The following LRRC4C variants were observed in gnomAD, a reference collection of about 807,000 sequenced individuals.
LRRC4C encodes the protein leucine rich repeat containing 4C.
In LRRC4C, 5 loss-of-function variants were observed where a neutral mutation model predicts 33.6. The observed-to-expected ratio is 0.15, with a 90% CI of 0.08 to 0.31. The LOEUF is 0.31. Ranked by LOEUF, LRRC4C falls within the 10% of genes least tolerant of loss-of-function variation. LRRC4C has a pLI of 1.00. For synonymous variants in LRRC4C, 329 were observed against 302.0 expected (o/e 1.09, Z -0.93); for missense variants, 560 against 796.7 (o/e 0.70, Z 3.58).
At chr11:40,422,383 G>C (rs1950552323) in intron 3 of LRRC4C, among the ~76,000 whole-genome samples, 1 of 151,952 alleles carries the variant, frequency 6.6e-6, no homozygotes, top group South Asian at 2.1e-4. Flanking sequence ...CTTAAAAAGT[G>C]GAGTTTTTTT....
chr11:41,276,552 G>A (rs1591132984), intron 1 of LRRC4C, among the ~76,000 whole-genome samples: 1 of 152,248 alleles, frequency 6.6e-6, no homozygotes, highest in South Asian at 2.1e-4. Flanking sequence ...CTATCTGTAT[G>A]ATAGCTTTTG....
intron 1 of LRRC4C, among the ~76,000 whole-genome samples, chr11:41,037,153 T>A (rs1325541399): frequency 7.8e-6 from 1 of 127,820 alleles, no homozygotes; most frequent in Non-Finnish European, 1.8e-5. Context: ...CCCCTTTCTG[T>A]ACAAGAGAAA....
chr11:40,621,129 T>A (rs540489328), intron 3 of LRRC4C, among the ~76,000 whole-genome samples: 1 of 151,904 alleles, frequency 6.6e-6, no homozygotes, highest in African/African-American at 2.4e-5. Flanking sequence ...CAAAACATCC[T>A]CTTAGACAGT....
intron 4 of LRRC4C, among the ~76,000 whole-genome samples, chr11:40,270,810 C>A (rs16934665): frequency 0.075 from 11,400 of 152,144 alleles, 540 homozygotes; most frequent in African/African-American, 0.12. Flanking sequence ...TCTATAGCTG[C>A]AACTAATTCG....
At chr11:41,446,044 G>T (rs1955815588) in intron 1 of LRRC4C, among the ~76,000 whole-genome samples, 1 of 152,130 alleles carries the variant, frequency 6.6e-6, no homozygotes, top group Non-Finnish European at 1.5e-5. Flanking sequence ...ATAAAAAAAT[G>T]ACTCAATAAT....
chr11:40,356,951 A>G (rs1947697527), intron 3 of LRRC4C, among the ~76,000 whole-genome samples: 1 of 152,170 alleles, frequency 6.6e-6, no homozygotes, highest in African/African-American at 2.4e-5. Flanking sequence ...ACTGAAGCTC[A>G]ACCATATTAA....
chr11:40,255,625 G>GTGAA (rs774547557), intron 4 of LRRC4C, among the ~76,000 whole-genome samples: 91 of 152,278 alleles, frequency 6.0e-4, no homozygotes, highest in Non-Finnish European at 1.1e-3. Flanking sequence ...CAGCGGCTGT[G>GTGAA]TGAATGACCT....
At chr11:41,281,068 C>CTCTCTCTCTCTCTCTCTA (rs1949651180) in intron 1 of LRRC4C, among the ~76,000 whole-genome samples, 1 of 136,894 alleles carries the variant, frequency 7.3e-6, no homozygotes, top group Non-Finnish European at 1.6e-5. Context: ...CTCTCTCTCT[C>CTCTCTCTCTCTCTCTCTA]TCTCTCTGTC....
At chr11:41,039,883 T>A (rs544383816) in intron 1 of LRRC4C, among the ~76,000 whole-genome samples, 1 of 152,084 alleles carries the variant, frequency 6.6e-6, no homozygotes. Context: ...GGCTCACGCC[T>A]GTAATCTCAG....
At chr11:41,125,471 T>A (rs1942690548) in intron 1 of LRRC4C, among the ~76,000 whole-genome samples, 1 of 152,180 alleles carries the variant, frequency 6.6e-6, no homozygotes, top group Non-Finnish European at 1.5e-5. Context: ...CATTAACAAA[T>A]AAACTAAATT....
At chr11:40,898,192 T>C (rs1442918480) in intron 2 of LRRC4C, among the ~76,000 whole-genome samples, 1 of 151,234 alleles carries the variant, frequency 6.6e-6, no homozygotes, top group East Asian at 1.9e-4. Flanking sequence ...CCATCTCTAC[T>C]AAAAATACAA....
intron 1 of LRRC4C, among the ~76,000 whole-genome samples, chr11:41,103,283 G>A (rs1311585806): frequency 6.6e-6 from 1 of 151,854 alleles, no homozygotes; most frequent in Non-Finnish European, 1.5e-5. Context: ...TGAAAATGTG[G>A]AAATTGTTGT....
At chr11:40,308,546 T>G in intron 4 of LRRC4C, among the ~76,000 whole-genome samples, 1 of 152,156 alleles carries the variant, frequency 6.6e-6, no homozygotes, top group East Asian at 1.9e-4. Flanking sequence ...GGGTCCAATG[T>G]AATTATAAGG....
chr11:40,210,795 T>C (rs1416020264), intron 5 of LRRC4C, among the ~76,000 whole-genome samples: 1 of 152,166 alleles, frequency 6.6e-6, no homozygotes, highest in Non-Finnish European at 1.5e-5. Context: ...TCTTTTGAGA[T>C]AGAGTCTCAC....
intron 1 of LRRC4C, among the ~76,000 whole-genome samples, chr11:41,015,566 G>C (rs1475653841): frequency 6.6e-6 from 1 of 152,094 alleles, no homozygotes; most frequent in Admixed American, 6.6e-5. Context: ...CACCTGCCTA[G>C]GCCTCCCAAA....
intron 1 of LRRC4C, among the ~76,000 whole-genome samples, chr11:41,189,424 T>C (rs924473678): frequency 1.3e-5 from 2 of 151,860 alleles, no homozygotes; most frequent in Admixed American, 6.6e-5. Flanking sequence ...GACTGGAAAA[T>C]AGAGGAACTG....
chr11:40,830,654 T>C (rs966363614), intron 2 of LRRC4C, among the ~76,000 whole-genome samples: 5 of 151,640 alleles, frequency 3.3e-5, no homozygotes, highest in African/African-American at 1.2e-4. Context: ...CTGGAGAGGG[T>C]TGTGAGTTGT....
At chr11:40,372,662 T>C (rs1269241861) in intron 3 of LRRC4C, among the ~76,000 whole-genome samples, 2 of 152,156 alleles carry the variant, frequency 1.3e-5, no homozygotes, top group African/African-American at 4.8e-5. Context: ...ACGTTCTACA[T>C]GATGCTATGC....
In LRRC4C at chr11:41,013,825, G is replaced by A. The variant is rs558766988; in HGVS notation, c.-495-80102C>T. 2.0e-5 allele frequency among the ~76,000 whole-genome samples: 3 copies of A among 152,290 alleles called. No homozygotes were observed. In the South Asian group the frequency reaches 6.2e-4, roughly 32 times the overall value. ...AAACTCTACAGTAAGTATGACTGGG[G>A]AAGCCTCAAGAAACTTACACTCATG... On this transcript the variant is annotated intron_variant, in intron 1 of 6. Coordinates refer to ENST00000528697, the MANE Select transcript of LRRC4C (RefSeq NM_001258419.2).
Sources: allele counts gnomAD v4.1 joint callset (sites outside exome capture counted in the v4.1 genomes callset), GRCh38; gene constraint gnomAD v4.1.1; transcripts MANE v1.5; gene names NCBI Gene and HGNC (gene_info 2026-07-23, HGNC 2026-07-21).